The following STXBP5L variants were observed in gnomAD, a reference collection of about 807,000 sequenced individuals.
STXBP5L encodes the protein syntaxin-binding protein 5-like.
In STXBP5L, 65 loss-of-function variants were observed where a neutral mutation model predicts 144.5. The observed-to-expected ratio is 0.45, with a 90% CI of 0.37 to 0.55. The LOEUF is 0.55. STXBP5L is among the 20% of genes least tolerant of loss of function. The pLI is 0.00. For missense variants in STXBP5L, 1,298 were observed against 1,405.5 expected, an observed-to-expected ratio of 0.92 and a Z score of 1.22; for synonymous variants, 505 against 469.6, an observed-to-expected ratio of 1.08 and a Z score of -0.97.
chr3:121,023,227 C>G (rs1054238777), intron 3 of STXBP5L, among the ~76,000 whole-genome samples: 2 of 151,956 alleles, frequency 1.3e-5, no homozygotes, highest in African/African-American at 4.8e-5. Flanking sequence ...CTACAAAACA[C>G]TGCTGAAAGA....
intron 5 of STXBP5L, among the ~76,000 whole-genome samples, chr3:121,046,744 C>G (rs1000393859): frequency 2.0e-5 from 3 of 151,970 alleles, no homozygotes; most frequent in African/African-American, 2.4e-5. Flanking sequence ...TGGATCTTCT[C>G]TCTTTTTCTC....
At chr3:121,136,105 T>C (rs988278153) in intron 7 of STXBP5L, among the ~76,000 whole-genome samples, 4 of 152,148 alleles carry the variant, frequency 2.6e-5, no homozygotes, top group African/African-American at 9.7e-5. Flanking sequence ...GGTGCCATTC[T>C]CATCTTAGTA....
intron 7 of STXBP5L, among the ~76,000 whole-genome samples, chr3:121,140,064 A>T (rs1360795466): frequency 6.6e-6 from 1 of 152,100 alleles, no homozygotes; most frequent in East Asian, 1.9e-4. Context: ...ATTAAAATAG[A>T]TTAAATAATT....
chr3:121,190,875 G>A (rs192064805), intron 9 of STXBP5L, among the ~76,000 whole-genome samples: 81 of 151,786 alleles, frequency 5.3e-4, no homozygotes, highest in Non-Finnish European at 2.9e-4. Context: ...TGGCGGCGGG[G>A]CAGAGACACT....
intron 2 of STXBP5L, among the ~76,000 whole-genome samples, chr3:120,927,361 G>T (rs1709692579): frequency 6.6e-6 from 1 of 152,138 alleles, no homozygotes; most frequent in Non-Finnish European, 1.5e-5. Flanking sequence ...CCTCTAATTT[G>T]GTGTCTCCTT....
intron 5 of STXBP5L, among the ~76,000 whole-genome samples, chr3:121,092,830 G>C (rs901935281): frequency 6.6e-6 from 1 of 152,168 alleles, no homozygotes; most frequent in Non-Finnish European, 1.5e-5. Flanking sequence ...TGGTGAGAGA[G>C]GGCATCCCTG....
intron 9 of STXBP5L, among the ~76,000 whole-genome samples, chr3:121,189,703 G>A (rs373365327): frequency 1.6e-4 from 25 of 152,170 alleles, no homozygotes; most frequent in Admixed American, 1.3e-3. Context: ...TTGACAATGC[G>A]GGCTTTTTTT....
At chr3:120,991,579 C>G (rs1175273582) in intron 3 of STXBP5L, among the ~76,000 whole-genome samples, 1 of 152,160 alleles carries the variant, frequency 6.6e-6, no homozygotes, top group Non-Finnish European at 1.5e-5. Flanking sequence ...TTGGAACCAA[C>G]CCAAATGTCC....
intron 10 of STXBP5L, among the ~76,000 whole-genome samples, chr3:121,222,227 T>C (rs936899126): frequency 2.0e-5 from 3 of 152,056 alleles, no homozygotes; most frequent in Non-Finnish European, 2.9e-5. Context: ...ATTTGAGAAA[T>C]GAAAAATGAA....
At chr3:121,027,331 G>T (rs974687162) in intron 3 of STXBP5L, among the ~76,000 whole-genome samples, 1 of 151,992 alleles carries the variant, frequency 6.6e-6, no homozygotes, top group Non-Finnish European at 1.5e-5. Context: ...AGTCACCCCC[G>T]TGGGATATCA....
chr3:121,018,436 T>A lies in STXBP5L; in HGVS notation c.288-23264T>A, dbSNP rs72968812. 2.5e-3 allele frequency among the ~76,000 whole-genome samples: 375 copies of A among 150,398 alleles called. 2 individuals carry two copies. Among genetic ancestry groups the A allele is most frequent in the African/African-American group, 8.6e-3 (352 of 40,846 alleles). On this transcript the variant is annotated intron_variant, in intron 3 of 26. Transcript: ENST00000471454. ...GATCTGTATAAATACAATCAACTAA[T>A]CTTTGACAAAGAAACAATGGCAATT... is the stretch of plus-strand genomic sequence containing the variant.
In STXBP5L at chr3:121,064,763, G is replaced by A. The variant is rs1490686807; in HGVS notation, c.470+19228G>A. On this transcript the variant is annotated intron_variant, in intron 5 of 26. Coordinates refer to ENST00000471454, the MANE Select transcript of STXBP5L (RefSeq NM_001308330.2). ...GTCAACTCTTATTTTAGACAGAGAG[G>A]ATGCATGGGCATGTTTAATGTTTAT... Among the ~76,000 whole-genome samples the A allele has an allele frequency of 2.6e-5, 4 of 152,232 alleles. No homozygotes were observed. The South Asian group carries it at 8.3e-4, about 32-fold the overall frequency.
intron 20 of STXBP5L, among the ~76,000 whole-genome samples, chr3:121,346,700 C>G (rs993990310): frequency 2.6e-5 from 4 of 152,138 alleles, no homozygotes; most frequent in African/African-American, 9.7e-5. Context: ...CTCTGATGGC[C>G]AGTGGTGATG....
At chr3:121,022,679 C>A (rs1945647323) in intron 3 of STXBP5L, among the ~76,000 whole-genome samples, 1 of 151,966 alleles carries the variant, frequency 6.6e-6, no homozygotes, top group South Asian at 2.1e-4. Flanking sequence ...TCTCAATAGA[C>A]ACAGAAAAGG....
intron 2 of STXBP5L, among the ~76,000 whole-genome samples, chr3:120,944,180 C>CTT (rs150455653): frequency 1.3e-5 from 2 of 149,728 alleles, no homozygotes. Context: ...AAAGAGAATC[C>CTT]TTTTTTTTTC....
At chr3:121,348,377 T>A (rs879332012) in intron 20 of STXBP5L, among the ~76,000 whole-genome samples, 2 of 152,130 alleles carry the variant, frequency 1.3e-5, no homozygotes, top group Non-Finnish European at 2.9e-5. Context: ...TATTGAGGAT[T>A]TTTGTGTCGA....
chr3:121,301,780 C>T (rs1228626765), intron 19 of STXBP5L, among the ~76,000 whole-genome samples: 6 of 152,070 alleles, frequency 3.9e-5, no homozygotes, highest in Non-Finnish European at 5.9e-5. Flanking sequence ...TGTCAAAGGC[C>T]TTTTCTGCAT....
intron 3 of STXBP5L, among the ~76,000 whole-genome samples, chr3:120,960,676 C>A (rs552633035): frequency 1.3e-5 from 2 of 151,616 alleles, no homozygotes; most frequent in African/African-American, 4.8e-5. Context: ...AACCAAATAC[C>A]GCGTGTTCTC....
chr3:121,411,662 T>C (rs1407666927), intron 23 of STXBP5L, among the ~76,000 whole-genome samples: 1 of 152,170 alleles, frequency 6.6e-6, no homozygotes, highest in East Asian at 1.9e-4. Context: ...CTATTATTTA[T>C]AACTTATTCT....
Sources: allele counts gnomAD v4.1 joint callset (sites outside exome capture counted in the v4.1 genomes callset), GRCh38; gene constraint gnomAD v4.1.1; transcripts MANE v1.5; gene names NCBI Gene and HGNC (gene_info 2026-07-23, HGNC 2026-07-21).